MAML2: variants seen among roughly 807,000 people sequenced by gnomAD.
MAML2 encodes the protein mastermind like transcriptional coactivator 2.
Under a neutral mutation model 96.1 loss-of-function variants are expected in MAML2, and 22 were observed. That is an observed-to-expected ratio of 0.23 (90% CI 0.16 to 0.33). MAML2 has a LOEUF of 0.33. MAML2 is among the 10% of genes least tolerant of loss of function. The pLI, the probability that MAML2 is intolerant of heterozygous loss-of-function variation, is 1.00. For missense variants in MAML2, 1,367 were observed against 1,392.4 expected (o/e 0.98, Z 0.29); for synonymous variants, 561 against 521.3 (o/e 1.08, Z -1.04).
At chr11:96,245,695 C>G (rs1268082371) in intron 1 of MAML2, among the ~76,000 whole-genome samples, 5 of 145,920 alleles carry the variant, frequency 3.4e-5, no homozygotes, top group Non-Finnish European at 6.0e-5. Flanking sequence ...CTGAATCACA[C>G]CCATACCTAA....
At chr11:96,017,987 G>A (rs149936699) in intron 2 of MAML2, among the ~76,000 whole-genome samples, 32 of 152,356 alleles carry the variant, frequency 2.1e-4, no homozygotes, top group Middle Eastern at 3.4e-3. Context: ...GCTATGTGGT[G>A]AATAGTTTGT....
rs143271771 is a variant in MAML2, at chr11:96,188,605, T to G, written c.514-95088A>C. On this transcript the variant is annotated intron_variant, in intron 1 of 4. Transcript: ENST00000524717. ...AATCTTTTTGAAAACGTTAAGTCCT[T>G]TAAAAAATGAACTTTATGTCCTTTT... Among the ~76,000 whole-genome samples the G allele has an allele frequency of 4.4e-3, 665 of 152,212 alleles. 5 individuals are homozygous for G. The highest frequency in any genetic ancestry group is 0.014 in the African/African-American group (596 of 41,522).
At chr11:96,078,170 T>C (rs557828489) in intron 2 of MAML2, among the ~76,000 whole-genome samples, 5 of 152,378 alleles carry the variant, frequency 3.3e-5, no homozygotes, top group Non-Finnish European at 4.4e-5. Context: ...CATTTCTCTC[T>C]TGTCCTGCAA....
chr11:96,020,211 T>C (rs1858415696), intron 2 of MAML2, among the ~76,000 whole-genome samples: 1 of 152,138 alleles, frequency 6.6e-6, no homozygotes, highest in African/African-American at 2.4e-5. Context: ...GCCAAGAGTA[T>C]CCCCAGGCAA....
At chr11:96,072,924 C>T (rs558545539) in intron 2 of MAML2, among the ~76,000 whole-genome samples, 13 of 152,318 alleles carry the variant, frequency 8.5e-5, no homozygotes, top group Non-Finnish European at 1.9e-4. Flanking sequence ...GGCTCCATTT[C>T]AGTTAAGTAC....
chr11:96,018,407 T>A (rs551380327), intron 2 of MAML2, among the ~76,000 whole-genome samples: 1 of 152,200 alleles, frequency 6.6e-6, no homozygotes, highest in African/African-American at 2.4e-5. Flanking sequence ...ATACTGAAAG[T>A]CATGAATTTG....
At chr11:96,108,830 C>T (rs1027887549) in intron 1 of MAML2, among the ~76,000 whole-genome samples, 15 of 151,902 alleles carry the variant, frequency 9.9e-5, no homozygotes, top group African/African-American at 3.6e-4. Flanking sequence ...TCCAGGAGTT[C>T]GAGACCAGCC....
At chr11:96,108,361 G>C (rs1860059949) in intron 1 of MAML2, among the ~76,000 whole-genome samples, 1 of 152,138 alleles carries the variant, frequency 6.6e-6, no homozygotes, top group Non-Finnish European at 1.5e-5. Flanking sequence ...GTAGTCTTCG[G>C]GGTCTCCCAT....
chr11:95,992,978 T>C (rs2135711122), intron 2 of MAML2, among the ~76,000 whole-genome samples: 2 of 152,034 alleles, frequency 1.3e-5, no homozygotes, highest in South Asian at 4.2e-4. Flanking sequence ...CCTCCCAGGC[T>C]CAAGCAGTCC....
At chr11:95,989,072 G>A (rs143386411) in intron 3 of MAML2, among the ~76,000 whole-genome samples, 18 of 152,288 alleles carry the variant, frequency 1.2e-4, no homozygotes, top group Middle Eastern at 3.4e-3. Flanking sequence ...TGGTAATTAC[G>A]ATGTCCGTTG....
At chr11:96,051,370 C>G (rs951111541) in intron 2 of MAML2, among the ~76,000 whole-genome samples, 1 of 152,098 alleles carries the variant, frequency 6.6e-6, no homozygotes, top group African/African-American at 2.4e-5. Flanking sequence ...TTGTTAAACC[C>G]TTTACATTTA....
At chr11:96,108,709 C>T (rs1044280377) in intron 1 of MAML2, among the ~76,000 whole-genome samples, 1 of 152,114 alleles carries the variant, frequency 6.6e-6, no homozygotes, top group African/African-American at 2.4e-5. Context: ...AAAGAAACTT[C>T]ATTTTATAGA....
rs958598913 is a variant in MAML2 at position 96,342,053 on chromosome 11, G to C, written c.-158C>G. 6.1e-6 allele frequency: 4 copies of C among 655,888 alleles called. No homozygotes were observed. The African/African-American group carries it at 7.3e-5, about 12-fold the overall frequency. The allele number at this position is 655,888 out of a possible 1,614,324, so 40.6% of individuals were successfully genotyped here. On this transcript the variant is annotated 5_prime_UTR_variant, in exon 1 of 5. Transcript: ENST00000524717. ...GTTGTGGGGGAGCCGTGGAGAAGTTGTGGGGGAGGGGAGTTAGTAAAAAGA... is the reference window on the plus strand; with the variant it reads ...GTTGTGGGGGAGCCGTGGAGAAGTTCTGGGGGAGGGGAGTTAGTAAAAAGA...
intron 1 of MAML2, among the ~76,000 whole-genome samples, chr11:96,299,058 A>ATATATAT (rs61036575): frequency 0.011 from 632 of 57,890 alleles, 6 homozygotes; most frequent in South Asian, 0.076. Context: ...AAAAAAAAAA[A>ATATATAT]AAATATATAT....
intron 1 of MAML2, among the ~76,000 whole-genome samples, chr11:96,308,770 G>T (rs1002025102): frequency 2.0e-5 from 3 of 152,146 alleles, no homozygotes; most frequent in African/African-American, 7.2e-5. Context: ...TTGTTTGCTT[G>T]TTTCTTATAT....
At chr11:95,998,498 G>A (rs1430992789) in intron 2 of MAML2, among the ~76,000 whole-genome samples, 1 of 152,110 alleles carries the variant, frequency 6.6e-6, no homozygotes, top group African/African-American at 2.4e-5. Context: ...GAGAAATGGA[G>A]ATAATTTGGA....
rs896747741 is a variant in MAML2 at position 95,977,253 on chromosome 11, G to T, written c.*1695C>A. ...CACATATGTATAAATATAACCCAAA[G>T]AATATGTTTGAAGTATTTCTACCAA... is the stretch of plus-strand genomic sequence containing the variant. On this transcript the variant is annotated 3_prime_UTR_variant, in exon 5 of 5. Transcript: ENST00000524717. The T allele has an allele frequency of 4.3e-5, 8 of 184,122 alleles. No individual in the cohort carries two copies. The highest frequency in any genetic ancestry group is 1.9e-4 in the Admixed American group (3 of 15,990). 11.4% of individuals were successfully genotyped at this position (184,122 alleles called of 1,614,324 possible).
At chr11:96,293,623 G>A (rs765082077) in intron 1 of MAML2, among the ~76,000 whole-genome samples, 18 of 152,188 alleles carry the variant, frequency 1.2e-4, no homozygotes, top group Non-Finnish European at 2.5e-4. Flanking sequence ...GACTCCAGCA[G>A]TAGGGACCCT....
At chr11:96,256,308 G>T (rs549843887) in intron 1 of MAML2, among the ~76,000 whole-genome samples, 1 of 152,216 alleles carries the variant, frequency 6.6e-6, no homozygotes, top group South Asian at 2.1e-4. Context: ...CCCGTGAGCT[G>T]AATTCCATTC....
Sources: gnomAD v4.1 joint callset for allele counts (sites outside exome capture counted in the v4.1 genomes callset) on GRCh38, gnomAD v4.1.1 for gene constraint, MANE v1.5 for transcripts, NCBI Gene and HGNC (gene_info 2026-07-23, HGNC 2026-07-21) for gene names.